Variants in MTUS2 observed in about 807,000 individuals in gnomAD.
MTUS2 encodes microtubule associated scaffold protein 2, also known as microtubule-associated tumor suppressor candidate 2.
In MTUS2, 40 loss-of-function variants were observed where a neutral mutation model predicts 114.1. The ratio of observed to expected loss-of-function variants is 0.35; its 90% confidence interval spans 0.27 to 0.46. The LOEUF is 0.46. Ranked by LOEUF, MTUS2 falls within the 20% of genes least tolerant of loss-of-function variation. The pLI is 1.00. For missense variants in MTUS2, 1,679 were observed against 1,705.4 expected (o/e 0.98, Z 0.27); for synonymous variants, 688 against 672.0 (o/e 1.02, Z -0.37).
At chr13:29,203,636 C>G (rs116520909) in intron 5 of MTUS2, among the ~76,000 whole-genome samples, 1,553 of 151,428 alleles carry the variant, frequency 0.01, 24 homozygotes, top group African/African-American at 0.036. Flanking sequence ...TGCTTCAAAT[C>G]CAGGGCCCTG....
chr13:29,195,649 A>G (rs748540928), intron 5 of MTUS2, among the ~76,000 whole-genome samples: 131 of 152,006 alleles, frequency 8.6e-4, no homozygotes, highest in Admixed American at 2.5e-3. Flanking sequence ...GGAAAGCCAG[A>G]CGCCCTGTGG....
chr13:29,233,222 G>T, intron 5 of MTUS2, among the ~76,000 whole-genome samples: 1 of 107,444 alleles, frequency 9.3e-6, no homozygotes. Context: ...TTTGGTTTTT[G>T]CATTTTTTAA....
chr13:29,365,510 T>TGTGTGTGTGTGTGTGTG, intron 8 of MTUS2, among the ~76,000 whole-genome samples: 1 of 146,822 alleles, frequency 6.8e-6, no homozygotes, highest in Non-Finnish European at 1.5e-5. Flanking sequence ...TTGTTTGGGT[T>TGTGTGTGTGTGTGTGTG]TGTGTGTGTG....
At chr13:29,038,380 A>C (rs1169303982) in intron 4 of MTUS2, among the ~76,000 whole-genome samples, 1 of 152,246 alleles carries the variant, frequency 6.6e-6, no homozygotes, top group African/African-American at 2.4e-5. Flanking sequence ...GCAGCAGAAC[A>C]GCAAAGATTG....
chr13:28,944,112 TATAC>T (rs1199246121), intron 2 of MTUS2, among the ~76,000 whole-genome samples: 2 of 152,032 alleles, frequency 1.3e-5, no homozygotes, highest in Non-Finnish European at 2.9e-5. Flanking sequence ...TAATATATAA[TATAC>T]ATATTTTGGG....
At chr13:29,290,667 C>G (rs1238370537) in intron 6 of MTUS2, among the ~76,000 whole-genome samples, 1 of 152,160 alleles carries the variant, frequency 6.6e-6, no homozygotes, top group African/African-American at 2.4e-5. Flanking sequence ...CCCACACAAC[C>G]TGTTCCCTCT....
At chr13:28,948,893 A>G (rs535286973) in intron 2 of MTUS2, among the ~76,000 whole-genome samples, 2 of 152,248 alleles carry the variant, frequency 1.3e-5, no homozygotes, top group South Asian at 2.1e-4. Flanking sequence ...CCCTACTCCC[A>G]TGTTGGGTGT....
intron 5 of MTUS2, among the ~76,000 whole-genome samples, chr13:29,231,500 G>A (rs990223519): frequency 6.6e-6 from 1 of 152,164 alleles, no homozygotes; most frequent in Admixed American, 6.5e-5. Context: ...TGTCCTGCAC[G>A]TTTTGCACTA....
intron 5 of MTUS2, among the ~76,000 whole-genome samples, chr13:29,173,543 G>A (rs909245708): frequency 9.9e-5 from 15 of 152,110 alleles, no homozygotes; most frequent in African/African-American, 3.4e-4. Context: ...GTCAGTGGAA[G>A]GGTTTACTAA....
intron 5 of MTUS2, among the ~76,000 whole-genome samples, chr13:29,147,901 T>C (rs1355762519): frequency 3.3e-5 from 5 of 152,210 alleles, no homozygotes; most frequent in Non-Finnish European, 7.3e-5. Context: ...TATGAACATA[T>C]GCATACATGT....
intron 5 of MTUS2, among the ~76,000 whole-genome samples, chr13:29,239,121 CAAAA>C (rs1431196612): frequency 6.6e-6 from 1 of 151,976 alleles, no homozygotes; most frequent in Non-Finnish European, 1.5e-5. Flanking sequence ...CACAGACACA[CAAAA>C]AAGGTAGCTG....
At chr13:29,338,619 C>G (rs1295869858) in intron 7 of MTUS2, among the ~76,000 whole-genome samples, 1 of 151,250 alleles carries the variant, frequency 6.6e-6, no homozygotes, top group Non-Finnish European at 1.5e-5. Context: ...AGTTGCATAA[C>G]CCAAAGTCAC....
intron 2 of MTUS2, among the ~76,000 whole-genome samples, chr13:29,000,686 G>T (rs895414128): frequency 6.6e-6 from 1 of 152,136 alleles, no homozygotes; most frequent in African/African-American, 2.4e-5. Flanking sequence ...TTCTTTTAGC[G>T]CTTTAAATAT....
intron 14 of MTUS2, among the ~76,000 whole-genome samples, chr13:29,499,603 G>A (rs1882758891): frequency 6.6e-6 from 1 of 152,208 alleles, no homozygotes; most frequent in South Asian, 2.1e-4. Flanking sequence ...GCGTGCACAT[G>A]TGCACAGGCA....
At chr13:28,916,274 A>G (rs1880740956) in intron 2 of MTUS2, among the ~76,000 whole-genome samples, 1 of 151,998 alleles carries the variant, frequency 6.6e-6, no homozygotes, top group East Asian at 1.9e-4. Context: ...AGCTTTGGCT[A>G]TTCTGGGTCT....
intron 5 of MTUS2, among the ~76,000 whole-genome samples, chr13:29,175,774 C>CTTT (rs11409692): frequency 1.3e-5 from 2 of 149,156 alleles, no homozygotes; most frequent in Admixed American, 6.7e-5. Context: ...AATAGGTTTT[C>CTTT]TTTTTTTTTT....
At chr13:29,033,355 C>T (rs1003626801) in intron 3 of MTUS2, among the ~76,000 whole-genome samples, 1 of 152,114 alleles carries the variant, frequency 6.6e-6, no homozygotes, top group Non-Finnish European at 1.5e-5. Context: ...CATTAACTTC[C>T]CTATTTTTCT....
intron 8 of MTUS2, among the ~76,000 whole-genome samples, chr13:29,432,734 T>C (rs1877099143): frequency 6.6e-6 from 1 of 152,246 alleles, no homozygotes; most frequent in African/African-American, 2.4e-5. Context: ...GACCATGTTA[T>C]AGATTCAGTC....
chr13:29,066,439 G>A (rs547902407), intron 4 of MTUS2, among the ~76,000 whole-genome samples: 1 of 152,324 alleles, frequency 6.6e-6, no homozygotes, highest in Non-Finnish European at 1.5e-5. Context: ...GAAGTGATTA[G>A]GTCCTGAGAT....
Sources: allele counts gnomAD v4.1 joint callset (sites outside exome capture counted in the v4.1 genomes callset), GRCh38; gene constraint gnomAD v4.1.1; transcripts MANE v1.5; gene names NCBI Gene and HGNC (gene_info 2026-07-23, HGNC 2026-07-21).